The following GPR39 variants were observed in gnomAD, a reference collection of about 807,000 sequenced individuals.
The protein encoded by GPR39 is zinc sensing receptor.
In GPR39, 23 loss-of-function variants were observed where a neutral mutation model predicts 18.4. The observed-to-expected ratio is 1.25, with a 90% CI of 0.90 to 1.77. The LOEUF (loss-of-function observed/expected upper bound fraction) is 1.77, where lower values mean the gene tolerates loss of function less well. Ranked by LOEUF, GPR39 falls within the 40% of genes most tolerant of loss-of-function variation. The probability of loss-of-function intolerance (pLI) is 0.00; values close to 1 mark genes in which losing one functional copy is unlikely to be tolerated. For synonymous variants in GPR39, 280 were observed against 257.9 expected, an observed-to-expected ratio of 1.09 and a Z score of -0.82; for missense variants, 647 against 602.4, an observed-to-expected ratio of 1.07 and a Z score of -0.78.
chr2:132,632,069 C>T (rs1359043980), intron 1 of GPR39, among the ~76,000 whole-genome samples: 5 of 152,176 alleles, frequency 3.3e-5, no homozygotes, highest in East Asian at 3.9e-4. Flanking sequence ...GATCTGCCCT[C>T]GGCCTCCCAA....
chr2:132,497,496 C>G (rs1334549743), intron 1 of GPR39, among the ~76,000 whole-genome samples: 1 of 152,160 alleles, frequency 6.6e-6, no homozygotes, highest in African/African-American at 2.4e-5. Context: ...CAATTGAGAG[C>G]AGAGGATTCT....
At chr2:132,464,050 A>G (rs2104778741) in intron 1 of GPR39, among the ~76,000 whole-genome samples, 2 of 152,356 alleles carry the variant, frequency 1.3e-5, no homozygotes, top group South Asian at 4.1e-4. Context: ...CACTTCTGCC[A>G]CATTCTATTG....
Position 132,595,220 on chromosome 2 carries a change from G to A in GPR39, c.857-49881G>A, listed in dbSNP as rs560891965. 3.3e-5 allele frequency among the ~76,000 whole-genome samples: 5 copies of A among 152,186 alleles called. No individual in the cohort carries two copies. The South Asian group carries it at 1.0e-3, about 32-fold the overall frequency. On this transcript the variant is annotated intron_variant, in intron 1 of 1. Coordinates refer to ENST00000329321, the MANE Select transcript of GPR39 (RefSeq NM_001508.3). ...TCACCATGTTGGCCAGGCTGGTCTT[G>A]AACTCCTGACCTCATGATCTGCCCA...
rs759232358 is a variant in GPR39, at chr2:132,645,310, G to C, written c.1066G>C (p.Val356Leu). The part of the protein sequence containing the change: ...VSSQQFRRVF[V>L]QVLCCRLSLQ... ...CTCGCAGCAGTTTCGGCGGGTGTTC[G>C]TGCAGGTGCTGTGCTGCCGCCTGTC... Residue 356 changes from valine to leucine, a missense_variant, in exon 2 of 2, where the codon GTG becomes CTG. Val to Leu is a conservative substitution (Grantham distance 32). This residue lies in a region of GPR39 where 581 missense variants were observed against 506.8 expected (regional missense o/e 1.15). Coordinates refer to ENST00000329321, the MANE Select transcript of GPR39 (RefSeq NM_001508.3). 5.0e-6 allele frequency: 8 copies of C among 1,614,176 alleles called. No individual in the cohort carries two copies. Among genetic ancestry groups the C allele is most frequent in the Non-Finnish European group, 6.8e-6 (8 of 1,180,026 alleles).
At chr2:132,590,376 G>A (rs1229022689) in intron 1 of GPR39, among the ~76,000 whole-genome samples, 1 of 152,132 alleles carries the variant, frequency 6.6e-6, no homozygotes, top group East Asian at 1.9e-4. Context: ...TCACACAGAT[G>A]ATGGCTAGGT....
rs74715665 is a variant in GPR39, at chr2:132,612,474, A to G, written c.857-32627A>G. Reference sequence around the variant, plus strand: ...TTCTATGCTTTTTTTCTGACAAGCTATCTTTCACACTTAGATCTGCACTCC... The same window carrying G: ...TTCTATGCTTTTTTTCTGACAAGCTGTCTTTCACACTTAGATCTGCACTCC... On this transcript the variant is annotated intron_variant, in intron 1 of 1. Coordinates refer to ENST00000329321, the MANE Select transcript of GPR39 (RefSeq NM_001508.3). Among the ~76,000 whole-genome samples the G allele has an allele frequency of 7.9e-3, 1,210 of 152,272 alleles. 17 individuals are homozygous for G. The highest frequency in any genetic ancestry group is 0.028 in the African/African-American group (1,168 of 41,546).
chr2:132,639,542 T>A (rs2104877706), intron 1 of GPR39, among the ~76,000 whole-genome samples: 1 of 152,322 alleles, frequency 6.6e-6, no homozygotes, highest in Non-Finnish European at 1.5e-5. Context: ...GGTGATCAAC[T>A]TTCCAGATAT....
Position 132,645,296 on chromosome 2 carries a change from T to G in GPR39, c.1052T>G (p.Phe351Cys). The G allele has an allele frequency of 6.2e-7, 1 of 1,614,210 alleles. No homozygotes were observed. The change falls in exon 2 of 2, where the codon TTT becomes TGT. Residue 351 changes from phenylalanine (F) to cysteine (C), a missense_variant. Physicochemically the swap from Phe to Cys is radical, Grantham distance 205 (BLOSUM62 -2). Around this residue, in one of 3 missense-constraint regions of GPR39, gnomAD observed 581 missense variants for 506.8 expected, o/e 1.15. Coordinates refer to ENST00000329321, the MANE Select transcript of GPR39 (RefSeq NM_001508.3). Reference protein sequence around the residue: ...PLLYTVSSQQFRRVFVQVLCC... With the variant: ...PLLYTVSSQQCRRVFVQVLCC... ...CTGTACACGGTGTCCTCGCAGCAGT[T>G]TCGGCGGGTGTTCGTGCAGGTGCTG...
chr2:132,467,666 G>T (rs183588246), intron 1 of GPR39, among the ~76,000 whole-genome samples: 1 of 152,160 alleles, frequency 6.6e-6, no homozygotes, highest in South Asian at 2.1e-4. Flanking sequence ...GTGAGCTACA[G>T]TTACTGCTCA....
At chr2:132,441,610 CACTTG>C (rs1680441335) in intron 1 of GPR39, among the ~76,000 whole-genome samples, 1 of 152,192 alleles carries the variant, frequency 6.6e-6, no homozygotes, top group African/African-American at 2.4e-5. Flanking sequence ...GTGATTAATA[CACTTG>C]ACTTCTTTTT....
At chr2:132,583,248 C>T (rs147044889) in intron 1 of GPR39, among the ~76,000 whole-genome samples, 3 of 151,982 alleles carry the variant, frequency 2.0e-5, no homozygotes, top group East Asian at 1.9e-4. Context: ...CCAAGTGTGC[C>T]GTGTGTTTGT....
intron 1 of GPR39, among the ~76,000 whole-genome samples, chr2:132,509,834 A>T (rs1679208199): frequency 6.6e-6 from 1 of 151,918 alleles, no homozygotes. Flanking sequence ...CCCCACCTTG[A>T]CTCACCTGTC....
intron 1 of GPR39, chr2:132,606,034 G>A (rs1226813863): frequency 6.6e-6 from 1 of 152,300 alleles, no homozygotes; most frequent in African/African-American, 2.4e-5. Context: ...AGGTGGGTGG[G>A]GGGAGAATCT....
chr2:132,523,429 A>G (rs567587966), intron 1 of GPR39, among the ~76,000 whole-genome samples: 1 of 152,220 alleles, frequency 6.6e-6, no homozygotes, highest in Non-Finnish European at 1.5e-5. Flanking sequence ...ACCTGTGAAA[A>G]TTCTATTGCC....
At chr2:132,535,050 A>G (rs1421809163) in intron 1 of GPR39, among the ~76,000 whole-genome samples, 1 of 151,838 alleles carries the variant, frequency 6.6e-6, no homozygotes, top group Non-Finnish European at 1.5e-5. Flanking sequence ...CTCTCTTCCT[A>G]TTTGAATATC....
intron 1 of GPR39, among the ~76,000 whole-genome samples, chr2:132,611,988 A>G (rs1205976158): frequency 6.6e-6 from 1 of 152,194 alleles, no homozygotes; most frequent in African/African-American, 2.4e-5. Context: ...AAAGCCAAGC[A>G]AACATGTGAG....
intron 1 of GPR39, among the ~76,000 whole-genome samples, chr2:132,433,251 G>T (rs2104760200): frequency 6.6e-6 from 1 of 152,202 alleles, no homozygotes; most frequent in Non-Finnish European, 1.5e-5. Context: ...TTGCAGTTGA[G>T]AAATATAAAC....
At chr2:132,617,133 T>A (rs1455642265) in intron 1 of GPR39, among the ~76,000 whole-genome samples, 1 of 152,254 alleles carries the variant, frequency 6.6e-6, no homozygotes, top group African/African-American at 2.4e-5. Context: ...TATGTGTAGA[T>A]GTACTATAAG....
intron 1 of GPR39, among the ~76,000 whole-genome samples, chr2:132,481,489 G>A (rs979545791): frequency 6.6e-6 from 1 of 152,190 alleles, no homozygotes; most frequent in African/African-American, 2.4e-5. Context: ...ATTTTCAAAG[G>A]CCAGGATCTG....
Sources: gnomAD v4.1 joint callset for allele counts (sites outside exome capture counted in the v4.1 genomes callset) on GRCh38, gnomAD v4.1.1 for gene constraint, gnomAD v4.1.1 regional missense constraint, MANE v1.5 for transcripts, NCBI Gene and HGNC (gene_info 2026-07-23, HGNC 2026-07-21) for gene names.